The following GTF2IRD1 variants were observed in gnomAD, a reference collection of about 807,000 sequenced individuals.
GTF2IRD1 encodes the protein GTF2I repeat domain containing 1.
Under a neutral mutation model 113.2 loss-of-function variants are expected in GTF2IRD1, and 26 were observed. That is an observed-to-expected ratio of 0.23 (90% confidence interval 0.17 to 0.32). The LOEUF is 0.32. Ranked by LOEUF, GTF2IRD1 falls within the 10% of genes least tolerant of loss-of-function variation. The pLI is 1.00. For missense variants in GTF2IRD1, 864 were observed against 1,280.8 expected, an observed-to-expected ratio of 0.67 and a Z score of 4.97; for synonymous variants, 484 against 529.1, an observed-to-expected ratio of 0.91 and a Z score of 1.17.
chr7:74,470,173 T>G (rs37626), intron 1 of GTF2IRD1, among the ~76,000 whole-genome samples: 40,801 of 151,822 alleles, frequency 0.27, 5,941 homozygotes, highest in Middle Eastern at 0.42. Flanking sequence ...AATTTTTGTA[T>G]CTCTTGTAGC....
chr7:74,457,089 C>G (rs1396407283), intron 1 of GTF2IRD1, among the ~76,000 whole-genome samples: 3 of 151,920 alleles, frequency 2.0e-5, no homozygotes, highest in African/African-American at 7.3e-5. Flanking sequence ...CTCCTGGACT[C>G]AAGCCACCCT....
At chr7:74,568,654 G>C (rs12540561) in intron 22 of GTF2IRD1, among the ~76,000 whole-genome samples, 1 of 151,752 alleles carries the variant, frequency 6.6e-6, no homozygotes, top group Non-Finnish European at 1.5e-5. Flanking sequence ...TCTCAAAAAA[G>C]AAGAAGAAGA....
intron 8 of GTF2IRD1, among the ~76,000 whole-genome samples, chr7:74,528,356 C>T (rs1272422280): frequency 6.6e-6 from 1 of 152,006 alleles, no homozygotes; most frequent in Non-Finnish European, 1.5e-5. Context: ...GACTACAGGC[C>T]CAAGCCCGGC....
At position 74,555,350 on chromosome 7, in the gene GTF2IRD1, C is replaced by G. The variant is rs782654642; in HGVS notation, c.1967-88C>G. On this transcript the variant is annotated intron_variant, in intron 18 of 26. Transcript: ENST00000424337. This position sits in a 1 kb window ranked among gnomAD's most constrained non-coding sequence, Gnocchi z 5.3. ...CCTGGCCCTGGCATTCTCCCCACACCCCCACATTGGGTTTCCCCTAACGAT... is the reference window on the plus strand; with the variant it reads ...CCTGGCCCTGGCATTCTCCCCACACGCCCACATTGGGTTTCCCCTAACGAT... 2 of 1,474,254 alleles carry G rather than the reference C, an allele frequency of 1.4e-6. No individual in the cohort carries two copies. Among genetic ancestry groups the G allele is most frequent in the Non-Finnish European group, 1.9e-6 (2 of 1,053,500 alleles). 91.3% of individuals were successfully genotyped at this position (1,474,254 alleles called of 1,614,324 possible). A position where few individuals can be genotyped will look rare whatever the true frequency, so the allele number is the denominator to read the frequency against.
At chr7:74,501,874 A>T (rs186226749) in intron 1 of GTF2IRD1, among the ~76,000 whole-genome samples, 274 of 151,752 alleles carry the variant, frequency 1.8e-3, no homozygotes, top group African/African-American at 6.2e-3. Context: ...CTGGTCTTGA[A>T]CTCTTGACCT....
intron 22 of GTF2IRD1, among the ~76,000 whole-genome samples, chr7:74,576,206 A>T (rs1430424211): frequency 1.3e-5 from 2 of 151,760 alleles, no homozygotes; most frequent in Non-Finnish European, 2.9e-5. Flanking sequence ...AAACAACACA[A>T]ATTTATTGCC....
chr7:74,528,610 G>A (rs1236861843), intron 8 of GTF2IRD1, among the ~76,000 whole-genome samples: 4 of 148,248 alleles, frequency 2.7e-5, no homozygotes, highest in Admixed American at 1.3e-4. Context: ...AGCAGGGGAG[G>A]GAATGAGGGA....
At chr7:74,559,717 T>C in intron 22 of GTF2IRD1, 62 bp downstream of exon 22, 1 of 1,411,414 alleles carries the variant, frequency 7.1e-7, no homozygotes, top group Admixed American at 2.3e-5. Context: ...TGCTGGGGAC[T>C]GGAGCTAAGC....
At chr7:74,601,426 C>T (rs1554374084) in intron 26 of GTF2IRD1, 21 of 1,470,034 alleles carry the variant, frequency 1.4e-5, no homozygotes, top group Admixed American at 2.3e-5. Context: ...GCAGATGGGC[C>T]GGCTGAGGTC....
intron 22 of GTF2IRD1, among the ~76,000 whole-genome samples, chr7:74,587,912 C>A (rs587759836): frequency 1.9e-4 from 29 of 152,196 alleles, no homozygotes; most frequent in African/African-American, 6.7e-4. Context: ...ACGGCCCCCA[C>A]ACTCCCAGAC....
chr7:74,555,063 G>C lies in GTF2IRD1; in HGVS notation c.1917-111G>C. ...GGACTCCAGGCCTGAACTATGCATA[G>C]CCAGAAGGGTCCATTGCAGGGCTGT... On this transcript the variant is annotated intron_variant, in intron 17 of 26. Transcript: ENST00000424337. This position sits in a 1 kb window ranked among gnomAD's most constrained non-coding sequence, Gnocchi z 5.3. 1.0e-6 allele frequency: 1 copy of C among 965,196 alleles called. No homozygotes were observed. The highest frequency in any genetic ancestry group is 2.4e-5 in the East Asian group (1 of 41,228). The allele number at this position is 965,196 out of a possible 1,614,324, so 59.8% of individuals were successfully genotyped here.
intron 1 of GTF2IRD1, among the ~76,000 whole-genome samples, chr7:74,484,342 T>C (rs575085778): frequency 6.6e-6 from 1 of 152,238 alleles, no homozygotes; most frequent in Admixed American, 6.5e-5. Flanking sequence ...AGTGCAGTAG[T>C]GTGACCTCAG....
intron 1 of GTF2IRD1, among the ~76,000 whole-genome samples, chr7:74,466,559 C>T (rs1793722804): frequency 6.6e-6 from 1 of 152,118 alleles, no homozygotes; most frequent in South Asian, 2.1e-4. Context: ...ACGCTGCTGC[C>T]TCTCCCCTAG....
chr7:74,459,493 GATAGGTGAAATGGGT>G (rs1793221590), intron 1 of GTF2IRD1, among the ~76,000 whole-genome samples: 1 of 151,922 alleles, frequency 6.6e-6, no homozygotes. Flanking sequence ...TCCTGAATAA[GATAGGTGAAATGGGT>G]GAGGATGTAC....
intron 9 of GTF2IRD1, among the ~76,000 whole-genome samples, chr7:74,532,502 T>C (rs1554349140): frequency 6.6e-6 from 1 of 152,156 alleles, no homozygotes; most frequent in Non-Finnish European, 1.5e-5. Context: ...TGCAGTGAGC[T>C]ATGATCACGC....
chr7:74,567,067 C>T (rs112879888), intron 22 of GTF2IRD1, among the ~76,000 whole-genome samples: 3 of 152,262 alleles, frequency 2.0e-5, no homozygotes, highest in African/African-American at 7.2e-5. Flanking sequence ...CAGTGGCTCA[C>T]GCCTGTAATC....
intron 10 of GTF2IRD1, 85 bp downstream of exon 10, chr7:74,535,223 C>A: frequency 9.4e-7 from 1 of 1,067,266 alleles, no homozygotes; most frequent in Non-Finnish European, 1.5e-6. Flanking sequence ...TGGACTTGGT[C>A]CTCCTGAGCG....
chr7:74,496,019 C>T (rs1234546939), intron 1 of GTF2IRD1, among the ~76,000 whole-genome samples: 1 of 151,788 alleles, frequency 6.6e-6, no homozygotes, highest in Non-Finnish European at 1.5e-5. Context: ...CTTGGACTAG[C>T]GTGTGTGTGA....
chr7:74,458,861 G>T (rs1428179587), intron 1 of GTF2IRD1, among the ~76,000 whole-genome samples: 2 of 44,086 alleles, frequency 4.5e-5, no homozygotes, highest in South Asian at 4.7e-4. Flanking sequence ...CACCATGTTC[G>T]CCAGGCTGGT....
Sources: gnomAD v4.1 joint callset for allele counts (sites outside exome capture counted in the v4.1 genomes callset) on GRCh38, gnomAD v4.1.1 for gene constraint, Gnocchi (gnomAD v3.1) non-coding constraint, MANE v1.5 for transcripts, NCBI Gene and HGNC (gene_info 2026-07-23, HGNC 2026-07-21) for gene names.